The following ABCB1 variants were observed in gnomAD, a reference collection of about 807,000 sequenced individuals.
ABCB1 encodes ATP binding cassette subfamily B member 1, also known as ATP-dependent translocase ABCB1.
Under a neutral mutation model 142.0 loss-of-function variants are expected in ABCB1, and 69 were observed. The observed-to-expected ratio is 0.49, with a 90% CI of 0.40 to 0.59. ABCB1 has a LOEUF of 0.59. Ranked by LOEUF, ABCB1 falls within the 20% of genes least tolerant of loss-of-function variation. The pLI is 0.00. For synonymous variants in ABCB1, 532 were observed against 539.2 expected (o/e 0.99, Z 0.18); for missense variants, 1,326 against 1,554.7 (o/e 0.85, Z 2.47).
chr7:87,504,207 T>C lies in ABCB1; in HGVS notation c.*36A>G. The C allele has an allele frequency of 1.2e-6, 2 of 1,612,000 alleles. No homozygotes were observed. Among genetic ancestry groups the C allele is most frequent in the Non-Finnish European group, 1.7e-6 (2 of 1,178,330 alleles). On this transcript the variant is annotated 3_prime_UTR_variant, in exon 28 of 28. Transcript: ENST00000622132. The stretch of plus-strand genomic sequence containing the variant: ...TGAATAAATGTCATATCTAAACAAA[T>C]ATTAAAAAGTATTTAACATCTCATA...
chr7:87,507,760 T>A (rs568320690), intron 26 of ABCB1, among the ~76,000 whole-genome samples: 2 of 152,268 alleles, frequency 1.3e-5, no homozygotes, highest in South Asian at 4.1e-4. Context: ...ATAAAGAGCA[T>A]AACTGGTGAT....
chr7:87,670,443 ACCTAT>A (rs1825707874), intron 1 of ABCB1, among the ~76,000 whole-genome samples: 1 of 152,108 alleles, frequency 6.6e-6, no homozygotes, highest in African/African-American at 2.4e-5. Context: ...TGATCTTTGT[ACCTAT>A]CCATAGTCTG....
At chr7:87,694,662 C>A (rs551498083) in intron 1 of ABCB1, among the ~76,000 whole-genome samples, 1 of 152,070 alleles carries the variant, frequency 6.6e-6, no homozygotes, top group Admixed American at 6.6e-5. Context: ...TTCAGGAGTA[C>A]GCATTTATGT....
intron 24 of ABCB1, among the ~76,000 whole-genome samples, chr7:87,516,114 C>T (rs1039060480): frequency 1.3e-5 from 2 of 152,100 alleles, no homozygotes; most frequent in Non-Finnish European, 2.9e-5. Context: ...GGCATGATGG[C>T]ACACGCTTGT....
rs187454442 is a variant in ABCB1, at chr7:87,677,255, A to G, written c.-331+35906T>C. 3.0e-3 allele frequency among the ~76,000 whole-genome samples: 455 copies of G among 150,330 alleles called. 4 individuals are homozygous for G. The highest frequency in any genetic ancestry group is 4.1e-3 in the Non-Finnish European group (278 of 67,664). On this transcript the variant is annotated intron_variant, in intron 1 of 28. Coordinates refer to the ABCB1 transcript ENST00000265724. ...GTAGCTGTCAACAGAAGGATGGATT[A>G]ATAAACTACAGTGTATATAACACAC...
chr7:87,564,843 A>G (rs1817722829), intron 7 of ABCB1, among the ~76,000 whole-genome samples: 3 of 152,212 alleles, frequency 2.0e-5, no homozygotes, highest in Admixed American at 6.5e-5. Context: ...TTAATCTTAA[A>G]ACAGACATCA....
chr7:87,648,343 G>A (rs1424762789), intron 1 of ABCB1, among the ~76,000 whole-genome samples: 2 of 152,094 alleles, frequency 1.3e-5, no homozygotes, highest in African/African-American at 4.8e-5. Flanking sequence ...AAGGAACTTA[G>A]TGGAGGCAAA....
At chr7:87,615,441 G>T (rs1820002042) in intron 1 of ABCB1, among the ~76,000 whole-genome samples, 2 of 152,184 alleles carry the variant, frequency 1.3e-5, no homozygotes, top group African/African-American at 4.8e-5. Context: ...CTATCTTGAG[G>T]ACTTCGTCAC....
intron 4 of ABCB1, among the ~76,000 whole-genome samples, chr7:87,573,455 C>T (rs1818140389): frequency 6.6e-6 from 1 of 152,202 alleles, no homozygotes; most frequent in Non-Finnish European, 1.5e-5. Flanking sequence ...TAGAGCTATT[C>T]AAATCCTCTC....
At chr7:87,667,610 T>G (rs1825395587) in intron 1 of ABCB1, among the ~76,000 whole-genome samples, 1 of 152,172 alleles carries the variant, frequency 6.6e-6, no homozygotes, top group African/African-American at 2.4e-5. Context: ...AGCATAAAGT[T>G]GGCTGTGGGT....
intron 1 of ABCB1, among the ~76,000 whole-genome samples, chr7:87,635,440 T>G (rs1475939522): frequency 6.6e-6 from 1 of 152,222 alleles, no homozygotes; most frequent in African/African-American, 2.4e-5. Flanking sequence ...TTCAAGCAAT[T>G]GATTTATTTG....
intron 9 of ABCB1, among the ~76,000 whole-genome samples, chr7:87,552,948 A>G (rs542931168): frequency 1.6e-4 from 25 of 152,302 alleles, no homozygotes; most frequent in African/African-American, 6.0e-4. Context: ...AGAGGATAAC[A>G]TTAAATGGCA....
At chr7:87,559,424 C>T (rs933806574) in intron 8 of ABCB1, among the ~76,000 whole-genome samples, 36 of 151,838 alleles carry the variant, frequency 2.4e-4, no homozygotes, top group Admixed American at 2.3e-3. Flanking sequence ...CAAGTTTTCC[C>T]TATTCATTCT....
chr7:87,674,985 G>C (rs1292023555), intron 1 of ABCB1, among the ~76,000 whole-genome samples: 2 of 152,200 alleles, frequency 1.3e-5, no homozygotes, highest in African/African-American at 4.8e-5. Flanking sequence ...GCACAGGCTG[G>C]AGCCCTGTAC....
intron 4 of ABCB1, among the ~76,000 whole-genome samples, chr7:87,581,564 C>T (rs1482472473): frequency 6.6e-6 from 1 of 152,024 alleles, no homozygotes; most frequent in Non-Finnish European, 1.5e-5. Context: ...ATAATTAAAC[C>T]AGAGATAGAT....
At chr7:87,600,600 A>C (rs1344904893) in intron 1 of ABCB1, among the ~76,000 whole-genome samples, 155 bp downstream of exon 1, 1 of 152,134 alleles carries the variant, frequency 6.6e-6, no homozygotes, top group African/African-American at 2.4e-5. Flanking sequence ...CTGAGTCTAG[A>C]TCTAACCCCA....
At chr7:87,687,078 T>A (rs1827540310) in intron 1 of ABCB1, among the ~76,000 whole-genome samples, 1 of 152,212 alleles carries the variant, frequency 6.6e-6, no homozygotes, top group Non-Finnish European at 1.5e-5. Context: ...TTGCGTATAA[T>A]TTAATCTGCT....
chr7:87,610,167 G>C (rs1299694044), intron 1 of ABCB1, among the ~76,000 whole-genome samples: 1 of 149,376 alleles, frequency 6.7e-6, no homozygotes, highest in Non-Finnish European at 1.5e-5. Flanking sequence ...CCTTGTAGTT[G>C]TGTTTCTTCT....
chr7:87,663,589 T>C (rs1324396468), intron 1 of ABCB1, among the ~76,000 whole-genome samples: 1 of 152,200 alleles, frequency 6.6e-6, no homozygotes, highest in African/African-American at 2.4e-5. Flanking sequence ...TTTAAAATAC[T>C]GTATACTTTT....
Sources: gnomAD v4.1 joint callset for allele counts (sites outside exome capture counted in the v4.1 genomes callset) on GRCh38, gnomAD v4.1.1 for gene constraint, MANE v1.5 for transcripts, NCBI Gene and HGNC (gene_info 2026-07-23, HGNC 2026-07-21) for gene names.